KDM2A: variants seen among roughly 807,000 people sequenced by gnomAD.
KDM2A encodes lysine demethylase 2A.
In KDM2A, 3 loss-of-function variants were observed where a neutral mutation model predicts 137.3. The ratio of observed to expected loss-of-function variants is 0.02; its 90% CI spans 0.01 to 0.06. KDM2A has a LOEUF of 0.06. KDM2A is among the 10% of genes least tolerant of loss of function. The pLI is 1.00. For synonymous variants in KDM2A, 512 were observed against 541.5 expected (o/e 0.95, Z 0.76); for missense variants, 738 against 1,510.6 (o/e 0.49, Z 8.48).
intron 5 of KDM2A, among the ~76,000 whole-genome samples, chr11:67,201,965 A>T (rs2136370894): frequency 6.6e-6 from 1 of 152,056 alleles, no homozygotes; most frequent in Admixed American, 6.6e-5. Flanking sequence ...TAAAAAAAAT[A>T]ATTAAAATGA....
intron 2 of KDM2A, among the ~76,000 whole-genome samples, chr11:67,168,641 A>G (rs1242655390): frequency 6.8e-6 from 1 of 147,392 alleles, no homozygotes; most frequent in Non-Finnish European, 1.5e-5. Flanking sequence ...ACACACACAC[A>G]CACACACACA....
rs1299755374 is a variant in KDM2A at position 67,250,669 on chromosome 11, G to T, written c.2639G>T (p.Gly880Val). Reference protein sequence around the residue: ...AEEGGAARLNGRGSWAQDGDE... With the variant: ...AEEGGAARLNVRGSWAQDGDE... ...GAGGGGGGTGCAGCCAGGCTGAATG[G>T]CCGGGGCAGTTGGGCTCAGGATGGA... is the stretch of plus-strand genomic sequence containing the variant. The change falls in exon 17 of 21, where the codon GGC (glycine) becomes GTC (valine). Residue 880 changes from glycine to valine, a missense_variant. By Grantham distance (109) the Gly-to-Val change is moderately radical (BLOSUM62 -3). Coordinates refer to ENST00000529006, the MANE Select transcript of KDM2A (RefSeq NM_012308.3). The surrounding 1 kb of genome is among the most constrained non-coding windows in gnomAD (Gnocchi z 7.1). 1 of 1,606,164 alleles carries T rather than the reference G, an allele frequency of 6.2e-7. No homozygotes were observed.
chr11:67,244,985 CAA>C (rs367648085), intron 13 of KDM2A: 21,064 of 330,522 alleles, frequency 0.064, no homozygotes, highest in South Asian at 0.077. Flanking sequence ...GACTCTGTCT[CAA>C]AAAAAAAAAA....
At chr11:67,253,091 A>C (rs117279124) in intron 18 of KDM2A, among the ~76,000 whole-genome samples, 1 of 152,334 alleles carries the variant, frequency 6.6e-6, no homozygotes, top group East Asian at 1.9e-4. Context: ...GAACGGAATC[A>C]GTGTTGCTGC....
intron 12 of KDM2A, chr11:67,240,410 C>G: frequency 6.7e-7 from 1 of 1,500,210 alleles, no homozygotes. Context: ...GTTTGGGGTG[C>G]GTGTAACTAT....
chr11:67,212,420 T>G (rs1400016036), intron 6 of KDM2A, among the ~76,000 whole-genome samples: 3 of 152,156 alleles, frequency 2.0e-5, no homozygotes, highest in Non-Finnish European at 4.4e-5. Context: ...GTGCTGCCAT[T>G]CCAGCAATAA....
At chr11:67,185,729 A>AT (rs1857187365) in intron 5 of KDM2A, among the ~76,000 whole-genome samples, 1 of 152,042 alleles carries the variant, frequency 6.6e-6, no homozygotes, top group Non-Finnish European at 1.5e-5. Context: ...TTAAGAGATA[A>AT]TTAGGCTACA....
At chr11:67,184,857 C>T (rs574696805) in intron 5 of KDM2A, among the ~76,000 whole-genome samples, 15 of 151,934 alleles carry the variant, frequency 9.9e-5, no homozygotes, top group Non-Finnish European at 2.1e-4. Context: ...ACAAAACACA[C>T]AATAATAAAA....
chr11:67,123,275 C>CTTTT (rs575165830), intron 2 of KDM2A, among the ~76,000 whole-genome samples: 10 of 71,490 alleles, frequency 1.4e-4, no homozygotes, highest in Non-Finnish European at 1.9e-4. Flanking sequence ...CAGTACCTGG[C>CTTTT]TTTTTTTTTT....
At chr11:67,190,237 C>A (rs534372552) in intron 5 of KDM2A, among the ~76,000 whole-genome samples, 1 of 152,276 alleles carries the variant, frequency 6.6e-6, no homozygotes, top group Admixed American at 6.5e-5. Context: ...TGATGAAACC[C>A]TGTCTCTACT....
At position 67,250,319 on chromosome 11, in the gene KDM2A, G is replaced by A. The variant is rs1302531251; in HGVS notation, c.2289G>A (p.Leu763=). 1.2e-6 allele frequency: 2 copies of A among 1,613,954 alleles called. No homozygotes were observed. Among genetic ancestry groups the A allele is most frequent in the Non-Finnish European group, 1.7e-6 (2 of 1,179,890 alleles). Residue 763 remains leucine, a synonymous_variant, in exon 17 of 21, where the codon CTG becomes CTA. Transcript: ENST00000529006. The surrounding 1 kb of genome is among the most constrained non-coding windows in gnomAD (Gnocchi z 7.1). ...AGCGCTTCAAACGGCGGCAGTTGCT[G>A]CGGCTGCAGGCCACAGAGCGCACCA... is the stretch of plus-strand genomic sequence containing the variant. The part of the protein sequence containing the change: ...RDERFKRRQL[L]RLQATERTMV...
rs567705557 is a variant in KDM2A at position 67,179,955 on chromosome 11, A to G, written c.43-124A>G. Reference sequence around the variant, plus strand: ...ATCTTGAGAGAAAGAAAAGATCCATAAGGCAAGGAAAATAGCAACTGAGTT... The same window carrying G: ...ATCTTGAGAGAAAGAAAAGATCCATGAGGCAAGGAAAATAGCAACTGAGTT... On this transcript the variant is annotated intron_variant, in intron 2 of 20. Coordinates refer to ENST00000529006, the MANE Select transcript of KDM2A (RefSeq NM_012308.3). 9 of 887,766 alleles carry G rather than the reference A, an allele frequency of 1.0e-5. No homozygotes were observed. In the East Asian group the frequency reaches 1.1e-4, roughly 10 times the overall value. 55.0% of individuals were successfully genotyped at this position (887,766 alleles called of 1,614,324 possible).
chr11:67,145,036 C>CT (rs1404435116), intron 2 of KDM2A, among the ~76,000 whole-genome samples: 3 of 150,790 alleles, frequency 2.0e-5, no homozygotes, highest in African/African-American at 2.4e-5. Flanking sequence ...TGCCCAACTA[C>CT]TTTTTTTGTA....
Position 67,245,220 on chromosome 11 carries a change from T to C in KDM2A, c.1595T>C (p.Val532Ala), listed in dbSNP as rs1182479741. 3.1e-6 allele frequency: 5 copies of C among 1,613,760 alleles called. No individual in the cohort carries two copies. The highest frequency in any genetic ancestry group is 4.2e-6 in the Non-Finnish European group (5 of 1,179,848). ...TTCCCCACTCGGCCAAAGGTGCGGG[T>C]TCCTACCATCCCCATTACGAAGCCT... is the stretch of plus-strand genomic sequence containing the variant. Reference protein sequence around the residue: ...LKFPTRPKVRVPTIPITKPHT... With the variant: ...LKFPTRPKVRAPTIPITKPHT... The change falls in exon 14 of 21, where the codon GTT (valine) becomes GCT (alanine). Residue 532 changes from valine to alanine, a missense_variant. Around this residue, in one of 9 missense-constraint regions of KDM2A, gnomAD observed 71 missense variants for 147.9 expected, o/e 0.48. Coordinates refer to ENST00000529006, the MANE Select transcript of KDM2A (RefSeq NM_012308.3). This position sits in a 1 kb window ranked among gnomAD's most constrained non-coding sequence, Gnocchi z 4.1.
chr11:67,185,399 A>G (rs371739647), intron 5 of KDM2A, among the ~76,000 whole-genome samples: 1 of 152,162 alleles, frequency 6.6e-6, no homozygotes, highest in African/African-American at 2.4e-5. Context: ...TGGGAGGCCA[A>G]GGCGGGTGGA....
chr11:67,142,884 GC>G (rs1856146216), intron 2 of KDM2A, among the ~76,000 whole-genome samples: 2 of 151,850 alleles, frequency 1.3e-5, no homozygotes, highest in Non-Finnish European at 2.9e-5. Context: ...TATACCCATT[GC>G]CAAGCTTCAA....
intron 9 of KDM2A, among the ~76,000 whole-genome samples, chr11:67,218,383 T>C (rs375765414): frequency 6.6e-6 from 1 of 152,202 alleles, no homozygotes; most frequent in Admixed American, 6.5e-5. Flanking sequence ...TTAGAGCAAA[T>C]ATTTAAATCT....
chr11:67,228,864 T>C (rs1858627210), intron 11 of KDM2A, among the ~76,000 whole-genome samples: 1 of 151,960 alleles, frequency 6.6e-6, no homozygotes, highest in Non-Finnish European at 1.5e-5. Flanking sequence ...GTAACTAGGA[T>C]TACAAGCACA....
intron 2 of KDM2A, among the ~76,000 whole-genome samples, chr11:67,147,541 T>TAACAAAAAA (rs1856281123): frequency 7.3e-6 from 1 of 137,330 alleles, no homozygotes. Context: ...GACTCCGTCT[T>TAACAAAAAA]AAAAAAAAAA....
Sources: allele counts gnomAD v4.1 joint callset (sites outside exome capture counted in the v4.1 genomes callset), GRCh38; gene constraint gnomAD v4.1.1; regional missense constraint gnomAD v4.1.1; non-coding constraint Gnocchi (gnomAD v3.1); transcripts MANE v1.5; gene names NCBI Gene and HGNC (gene_info 2026-07-23, HGNC 2026-07-21).